The following SCAPER variants were observed in gnomAD, a reference collection of about 807,000 sequenced individuals.
The protein encoded by SCAPER is S-phase cyclin A associated protein in the ER.
A neutral mutation model predicts 182.2 loss-of-function variants in SCAPER; 98 were observed. The observed-to-expected ratio is 0.54, with a 90% CI of 0.46 to 0.64. The LOEUF (loss-of-function observed/expected upper bound fraction) is 0.64, where lower values mean the gene tolerates loss of function less well. SCAPER is among the 30% of genes least tolerant of loss of function. The probability of loss-of-function intolerance (pLI) is 0.00; values close to 1 mark genes in which losing one functional copy is unlikely to be tolerated. For synonymous variants in SCAPER, 605 were observed against 564.6 expected (o/e 1.07, Z -1.01); for missense variants, 1,432 against 1,690.0 (o/e 0.85, Z 2.68).
chr15:76,680,779 C>G (rs1297840588), intron 20 of SCAPER, among the ~76,000 whole-genome samples: 1 of 152,132 alleles, frequency 6.6e-6, no homozygotes, highest in African/African-American at 2.4e-5. Flanking sequence ...GTGGAAGCAC[C>G]CTGAGGACCT....
chr15:76,384,149 T>C (rs1284796581), intron 27 of SCAPER, among the ~76,000 whole-genome samples: 2 of 152,210 alleles, frequency 1.3e-5, no homozygotes. Context: ...ACTGATTGCC[T>C]TTTAGAACCA....
intron 25 of SCAPER, among the ~76,000 whole-genome samples, chr15:76,452,870 G>T (rs1391792044): frequency 6.6e-6 from 1 of 151,124 alleles, no homozygotes; most frequent in Admixed American, 6.6e-5. Context: ...AGATAGAGTT[G>T]CCCGGGGTAG....
chr15:76,637,749 TGTGTGTGTGTG>T (rs2053749982), intron 21 of SCAPER, among the ~76,000 whole-genome samples: 1 of 5,890 alleles, frequency 1.7e-4, no homozygotes, highest in Non-Finnish European at 6.3e-4. Context: ...TATATGTGTG[TGTGTGTGTGTG>T]TGTGTGTGTG....
intron 23 of SCAPER, among the ~76,000 whole-genome samples, chr15:76,541,307 C>G (rs1295989202): frequency 6.6e-6 from 1 of 152,074 alleles, no homozygotes; most frequent in Non-Finnish European, 1.5e-5. Context: ...ATAAGCTGCT[C>G]TAATCAACTT....
intron 15 of SCAPER, among the ~76,000 whole-genome samples, chr15:76,748,037 C>G: frequency 6.7e-6 from 1 of 148,162 alleles, no homozygotes; most frequent in East Asian, 2.0e-4. Context: ...GTTGCCCAGG[C>G]TGGAGTACAA....
At chr15:76,881,776 G>A (rs2073555043) in intron 2 of SCAPER, among the ~76,000 whole-genome samples, 2 of 152,134 alleles carry the variant, frequency 1.3e-5, no homozygotes, top group Admixed American at 6.5e-5. Context: ...TTCAAGACAA[G>A]GAGTTCTGAA....
chr15:76,610,795 T>A (rs143278466), intron 22 of SCAPER, among the ~76,000 whole-genome samples: 68 of 152,298 alleles, frequency 4.5e-4, no homozygotes, highest in African/African-American at 1.6e-3. Flanking sequence ...AATAAATAGA[T>A]ACCCCATGTT....
intron 26 of SCAPER, among the ~76,000 whole-genome samples, chr15:76,421,220 A>G (rs2142343117): frequency 6.6e-6 from 1 of 152,354 alleles, no homozygotes; most frequent in Middle Eastern, 3.4e-3. Context: ...TGGTTGAACT[A>G]GTTTACAGTC....
chr15:76,748,839 T>C (rs1347871595), intron 15 of SCAPER, among the ~76,000 whole-genome samples: 2 of 151,854 alleles, frequency 1.3e-5, no homozygotes, highest in Admixed American at 6.6e-5. Context: ...AATAGCTCTA[T>C]GTAAATTAAA....
intron 23 of SCAPER, among the ~76,000 whole-genome samples, chr15:76,552,400 C>T (rs1001249088): frequency 7.9e-5 from 12 of 152,186 alleles, no homozygotes; most frequent in African/African-American, 2.6e-4. Flanking sequence ...AGCAGATCAT[C>T]GGAGGGAAGG....
intron 23 of SCAPER, among the ~76,000 whole-genome samples, chr15:76,531,770 G>A (rs2043688081): frequency 6.6e-6 from 1 of 152,134 alleles, no homozygotes; most frequent in African/African-American, 2.4e-5. Flanking sequence ...CTGAGTAAAG[G>A]TGGCCTTGAG....
chr15:76,422,515 T>C (rs953380840), intron 26 of SCAPER, among the ~76,000 whole-genome samples: 2 of 152,218 alleles, frequency 1.3e-5, no homozygotes, highest in African/African-American at 4.8e-5. Flanking sequence ...TAAGGAGATT[T>C]TGGGCTGAGA....
chr15:76,640,404 G>C (rs975792352), intron 21 of SCAPER, among the ~76,000 whole-genome samples: 1 of 149,786 alleles, frequency 6.7e-6, no homozygotes, highest in African/African-American at 2.6e-5. Context: ...CTATTTACAA[G>C]GAAGTGAAGA....
chr15:76,665,813 A>G, intron 20 of SCAPER, 24 bp from the exon 21 acceptor site: 1 of 1,469,710 alleles, frequency 6.8e-7, no homozygotes, highest in East Asian at 2.5e-5. Context: ...AAATAAAATA[A>G]TAATAATGAG....
At chr15:76,473,080 A>G (rs1411886858) in intron 24 of SCAPER, among the ~76,000 whole-genome samples, 1 of 152,136 alleles carries the variant, frequency 6.6e-6, no homozygotes, top group Admixed American at 6.5e-5. Flanking sequence ...AGATTTTCAG[A>G]TAAATTCTGC....
At chr15:76,786,931 A>G (rs1354762310) in intron 8 of SCAPER, among the ~76,000 whole-genome samples, 2 of 152,226 alleles carry the variant, frequency 1.3e-5, no homozygotes, top group East Asian at 3.9e-4. Context: ...ACAAAAAAGT[A>G]CAGAATGTCT....
chr15:76,800,443 T>C, intron 6 of SCAPER, 79 bp from the exon 7 acceptor site: 4 of 910,914 alleles, frequency 4.4e-6, no homozygotes, highest in South Asian at 3.0e-5. Context: ...TGGTTGTTAG[T>C]GGCTGAAAAA....
intron 5 of SCAPER, among the ~76,000 whole-genome samples, chr15:76,831,769 G>A (rs947341785): frequency 3.9e-5 from 6 of 152,154 alleles, no homozygotes; most frequent in African/African-American, 1.4e-4. Context: ...GGAGTACCTC[G>A]GTCCCTCAAG....
intron 21 of SCAPER, among the ~76,000 whole-genome samples, chr15:76,623,097 T>C (rs930158355): frequency 6.6e-6 from 1 of 152,222 alleles, no homozygotes; most frequent in East Asian, 1.9e-4. Context: ...TTAATGGCTT[T>C]ATTTGGTTTT....
Sources: gnomAD v4.1 joint callset for allele counts (sites outside exome capture counted in the v4.1 genomes callset) on GRCh38, gnomAD v4.1.1 for gene constraint, MANE v1.5 for transcripts, NCBI Gene and HGNC (gene_info 2026-07-23, HGNC 2026-07-21) for gene names.